GLIS3: variants seen among roughly 807,000 people sequenced by gnomAD.
The protein encoded by GLIS3 is GLIS family zinc finger 3, also known as zinc finger protein GLIS3.
Under a neutral mutation model 78.6 loss-of-function variants are expected in GLIS3, and 53 were observed. The observed-to-expected ratio is 0.67, with a 90% CI of 0.54 to 0.85. GLIS3 has a LOEUF of 0.85. GLIS3 is among the 40% of genes least tolerant of loss of function. The pLI, the probability that GLIS3 is intolerant of heterozygous loss-of-function variation, is 0.00. For synonymous variants in GLIS3, 684 were observed against 509.9 expected (o/e 1.34, Z -4.60); for missense variants, 1,703 against 1,231.1 (o/e 1.38, Z -5.74).
chr9:3,847,221 A>G (rs1369853881), intron 9 of GLIS3, among the ~76,000 whole-genome samples: 1 of 151,470 alleles, frequency 6.6e-6, no homozygotes, highest in Non-Finnish European at 1.5e-5. Flanking sequence ...AAATAAAAAA[A>G]AATAAAATAA....
At chr9:4,406,256 A>AT in the GLIS3 span, among the ~76,000 whole-genome samples, 1 of 152,246 alleles carries the variant, frequency 6.6e-6, no homozygotes, top group Non-Finnish European at 1.5e-5. Context: ...AAAAAAGGGC[A>AT]TCCCAACTGG....
chr9:3,954,172 T>C (rs1028265330), intron 4 of GLIS3, among the ~76,000 whole-genome samples: 5 of 152,212 alleles, frequency 3.3e-5, no homozygotes, highest in African/African-American at 1.2e-4. Flanking sequence ...ATTTTTCCCA[T>C]CTCTATTAAG....
chr9:3,932,120 T>G (rs953764079), intron 6 of GLIS3, among the ~76,000 whole-genome samples: 2 of 152,106 alleles, frequency 1.3e-5, no homozygotes, highest in African/African-American at 4.8e-5. Flanking sequence ...TCCCAGAAAT[T>G]TGCATAGCTA....
chr9:3,893,287 C>T (rs1822585859), intron 7 of GLIS3, among the ~76,000 whole-genome samples: 1 of 152,110 alleles, frequency 6.6e-6, no homozygotes, highest in Non-Finnish European at 1.5e-5. Flanking sequence ...GGTAATTCAG[C>T]TTAATCTTGC....
the GLIS3 span, among the ~76,000 whole-genome samples, chr9:4,369,920 G>A: frequency 1.6e-4 from 24 of 152,288 alleles, no homozygotes; most frequent in South Asian, 2.3e-3. Flanking sequence ...GGCTTGGCAA[G>A]GTGGCTCATG....
intron 4 of GLIS3, among the ~76,000 whole-genome samples, chr9:4,047,806 A>C (rs1825377759): frequency 6.6e-6 from 1 of 152,226 alleles, no homozygotes; most frequent in South Asian, 2.1e-4. Context: ...TTATGGCTCC[A>C]AAGCCAACAT....
At chr9:3,907,737 G>A (rs1823822601) in intron 6 of GLIS3, among the ~76,000 whole-genome samples, 1 of 151,934 alleles carries the variant, frequency 6.6e-6, no homozygotes, top group African/African-American at 2.4e-5. Context: ...ATTGGGCTAG[G>A]CTGAGACTAC....
rs74661850 is a variant in GLIS3, at chr9:4,316,036, C to T, written n.265-5508G>A. Among the ~76,000 whole-genome samples, 527 of 152,220 alleles carry T rather than the reference C, an allele frequency of 3.5e-3. 3 individuals carry two copies. The highest frequency in any genetic ancestry group is 0.012 in the African/African-American group (496 of 41,522). The stretch of plus-strand genomic sequence containing the variant: ...AAAACACATATTTATCTGGGATGAT[C>T]ACAATGGAAATTTTAAATACATGCA... On this transcript the variant is annotated intron_variant and non_coding_transcript_variant, in intron 2 of 4. Coordinates refer to the GLIS3 transcript ENST00000471664.
rs140716708 is a variant in GLIS3 at position 4,169,051 on chromosome 9, C to A, written c.389-43110G>T. ...ATGGGTCACAGATCATCACCACCAGCTTTAATGAGGAAGATGGGAGAGGTG... is the reference window on the plus strand; with the variant it reads ...ATGGGTCACAGATCATCACCACCAGATTTAATGAGGAAGATGGGAGAGGTG... On this transcript the variant is annotated intron_variant, in intron 2 of 10. Transcript: ENST00000381971. Among the ~76,000 whole-genome samples, 64 of 152,298 alleles carry A rather than the reference C, an allele frequency of 4.2e-4. No homozygotes were observed. In the East Asian group the frequency reaches 9.1e-3, roughly 22 times the overall value.
At chr9:4,112,241 G>T (rs1831275995) in intron 4 of GLIS3, among the ~76,000 whole-genome samples, 1 of 152,108 alleles carries the variant, frequency 6.6e-6, no homozygotes. Flanking sequence ...AAAGCCTTCT[G>T]CCACTACCAA....
chr9:4,344,668 C>T (rs951510910), intron 2 of GLIS3, among the ~76,000 whole-genome samples: 1 of 152,206 alleles, frequency 6.6e-6, no homozygotes, highest in Non-Finnish European at 1.5e-5. Flanking sequence ...AAATATCTAA[C>T]TGTCTAGTTC....
At chr9:4,134,497 C>A (rs967120447) in intron 2 of GLIS3, among the ~76,000 whole-genome samples, 1 of 152,126 alleles carries the variant, frequency 6.6e-6, no homozygotes. Context: ...TACCTCTTAG[C>A]CTTAGTTTCT....
intron 9 of GLIS3, among the ~76,000 whole-genome samples, chr9:3,846,117 T>G (rs1819024656): frequency 6.6e-6 from 1 of 152,220 alleles, no homozygotes; most frequent in Admixed American, 6.5e-5. Context: ...AAGCAGTTGG[T>G]GGGAAATGAC....
intron 1 of GLIS3, among the ~76,000 whole-genome samples, chr9:4,299,172 T>G (rs1279629543): frequency 2.0e-5 from 3 of 152,216 alleles, no homozygotes; most frequent in Non-Finnish European, 2.9e-5. Context: ...CTTAGGCCAC[T>G]GACAGAAACA....
the GLIS3 span, among the ~76,000 whole-genome samples, chr9:4,469,302 G>A: frequency 6.6e-6 from 1 of 152,126 alleles, no homozygotes; most frequent in Admixed American, 6.6e-5. Flanking sequence ...GACATCTACA[G>A]AACCCTCCAC....
At chr9:4,262,991 C>A (rs1422987002) in intron 2 of GLIS3, among the ~76,000 whole-genome samples, 1 of 151,876 alleles carries the variant, frequency 6.6e-6, no homozygotes, top group Non-Finnish European at 1.5e-5. Flanking sequence ...CTGTGGCACC[C>A]CAGGGTGCCT....
intron 3 of GLIS3, among the ~76,000 whole-genome samples, chr9:4,125,403 G>A (rs1832494673): frequency 6.6e-6 from 1 of 152,146 alleles, no homozygotes; most frequent in Admixed American, 6.5e-5. Flanking sequence ...ATGCAAATTT[G>A]CTAGGCCATG....
chr9:4,235,740 T>A (rs1205057053), intron 2 of GLIS3, among the ~76,000 whole-genome samples: 2 of 152,122 alleles, frequency 1.3e-5, no homozygotes, highest in African/African-American at 4.8e-5. Context: ...TTATCTTGGA[T>A]GAAAACCAAG....
intron 5 of GLIS3, 47 bp from the exon 6 acceptor site, chr9:3,932,517 G>A (rs369889101): frequency 2.2e-6 from 3 of 1,395,288 alleles, no homozygotes; most frequent in Non-Finnish European, 3.1e-6. Flanking sequence ...AATCATAAAG[G>A]TAATTGGGGA....
Sources: gnomAD v4.1 joint callset for allele counts (sites outside exome capture counted in the v4.1 genomes callset) on GRCh38, gnomAD v4.1.1 for gene constraint, MANE v1.5 for transcripts, NCBI Gene and HGNC (gene_info 2026-07-23, HGNC 2026-07-21) for gene names.